Variants in UBE3C observed in about 807,000 individuals in gnomAD.
The protein encoded by UBE3C is ubiquitin-protein ligase E3C.
In UBE3C, 42 loss-of-function variants were observed where a neutral mutation model predicts 129.4. The ratio of observed to expected loss-of-function variants is 0.32; its 90% CI spans 0.25 to 0.42. The LOEUF is 0.42. Among genes scored for constraint, UBE3C ranks in the 10% least tolerant of loss-of-function variants. The probability of loss-of-function intolerance (pLI) is 1.00; values close to 1 mark genes in which losing one functional copy is unlikely to be tolerated. For missense variants in UBE3C, 1,049 were observed against 1,319.1 expected (o/e 0.80, Z 3.17); for synonymous variants, 510 against 492.4 (o/e 1.04, Z -0.47).
intron 10 of UBE3C, among the ~76,000 whole-genome samples, chr7:157,196,437 G>A (rs1176796649): frequency 3.3e-5 from 5 of 152,156 alleles, no homozygotes; most frequent in Non-Finnish European, 7.4e-5. Flanking sequence ...CATTTATGCT[G>A]GTAGTTCTTT....
intron 1 of UBE3C, among the ~76,000 whole-genome samples, chr7:157,158,760 G>A (rs1032502239): frequency 1.3e-5 from 2 of 152,122 alleles, no homozygotes; most frequent in East Asian, 3.8e-4. Flanking sequence ...AAGCCCATGG[G>A]GACGTTTTTT....
rs1797125782 is a variant in UBE3C, at chr7:157,267,988, G to T, written c.*233G>T. The T allele has an allele frequency of 5.1e-6, 2 of 388,518 alleles. No homozygotes were observed. Among genetic ancestry groups the T allele is most frequent in the South Asian group, 1.0e-4 (2 of 19,766 alleles). 24.1% of individuals were successfully genotyped at this position (388,518 alleles called of 1,614,324 possible). On this transcript the variant is annotated 3_prime_UTR_variant, in exon 23 of 23. Transcript: ENST00000348165. ...CTTAAAATAACACGTTATGTGCCAT[G>T]TGGCTACTTTAGTAATATTGCCAAG...
intron 19 of UBE3C, among the ~76,000 whole-genome samples, chr7:157,249,861 C>T (rs921419922): frequency 2.0e-5 from 3 of 152,114 alleles, no homozygotes; most frequent in Non-Finnish European, 4.4e-5. Context: ...ACACTCTGTG[C>T]ATCCATAATC....
At chr7:157,149,087 G>A (rs978466841) in intron 1 of UBE3C, among the ~76,000 whole-genome samples, 5 of 148,928 alleles carry the variant, frequency 3.4e-5, no homozygotes, top group African/African-American at 1.2e-4. Flanking sequence ...ATAGAGTTTT[G>A]CTCTTGTCGC....
chr7:157,192,431 A>G (rs938091367), intron 10 of UBE3C: 4 of 727,890 alleles, frequency 5.5e-6, no homozygotes, highest in African/African-American at 1.7e-5. Flanking sequence ...ACCCTTGGAT[A>G]TGATAGAAAA....
intron 18 of UBE3C, among the ~76,000 whole-genome samples, chr7:157,239,561 AGGGCACTCT>A (rs1796244468): frequency 6.6e-6 from 1 of 152,290 alleles, no homozygotes; most frequent in South Asian, 2.1e-4. Flanking sequence ...GCTTGTGATT[AGGGCACTCT>A]GCAGCAGTAG....
At chr7:157,234,503 G>A (rs150512292) in intron 18 of UBE3C, among the ~76,000 whole-genome samples, 1,871 of 152,322 alleles carry the variant, frequency 0.012, 13 homozygotes, top group Non-Finnish European at 0.019. Flanking sequence ...TAGCAGATGG[G>A]AGTAGAACCG....
chr7:157,218,021 T>C (rs1795629932), intron 14 of UBE3C, among the ~76,000 whole-genome samples: 1 of 151,992 alleles, frequency 6.6e-6, no homozygotes, highest in Admixed American at 6.5e-5. Context: ...AGATTCTGTC[T>C]CCAGAAAAAA....
At chr7:157,207,258 C>G (rs1459523502) in intron 11 of UBE3C, 140 bp from the exon 12 acceptor site, 1 of 1,189,312 alleles carries the variant, frequency 8.4e-7, no homozygotes, top group Non-Finnish European at 1.2e-6. Flanking sequence ...GGTGACTTTA[C>G]CTTGCCTTTA....
chr7:157,263,591 G>GAGGC lies in UBE3C; in HGVS notation c.3082-3991_3082-3988dup, dbSNP rs139477695. 2.6e-5 allele frequency among the ~76,000 whole-genome samples: 4 copies of GAGGC among 151,758 alleles called. No individual in the cohort carries two copies. In the East Asian group the frequency reaches 7.7e-4, roughly 29 times the overall value. ...AGGCAAGAGAATTGCTTGAACCTGGGAGGCAGAGGTTGCAGTGAGCCGAGA... is the reference window on the plus strand; with the variant it reads ...AGGCAAGAGAATTGCTTGAACCTGGGAGGCAGGCAGAGGTTGCAGTGAGCCGAGA... On this transcript the variant is annotated intron_variant, in intron 22 of 22. Coordinates refer to ENST00000348165, the MANE Select transcript of UBE3C (RefSeq NM_014671.3).
intron 1 of UBE3C, among the ~76,000 whole-genome samples, chr7:157,156,798 C>T (rs1163496160): frequency 6.6e-6 from 1 of 151,192 alleles, no homozygotes; most frequent in Non-Finnish European, 1.5e-5. Flanking sequence ...CTCTCGGAGA[C>T]AGTTCCTGAT....
intron 5 of UBE3C, among the ~76,000 whole-genome samples, chr7:157,177,228 A>T (rs957856054): frequency 1.3e-5 from 2 of 152,190 alleles, no homozygotes; most frequent in African/African-American, 4.8e-5. Flanking sequence ...TGTGATTGGA[A>T]TTTGTATTTC....
At chr7:157,180,310 T>A (rs1420985492) in intron 6 of UBE3C, among the ~76,000 whole-genome samples, 8 of 152,244 alleles carry the variant, frequency 5.3e-5, no homozygotes, top group Non-Finnish European at 1.0e-4. Flanking sequence ...TTAGTTATGT[T>A]AGTCACTTTT....
rs1042432390 is a variant in UBE3C, at chr7:157,148,830, G to A, written c.66+9492G>A. On this transcript the variant is annotated intron_variant, in intron 1 of 22. Transcript: ENST00000348165. The stretch of plus-strand genomic sequence containing the variant: ...ACAGGCATGATCATAGTGCACAGCA[G>A]CCTCAAACTCCTGATCTCCAGCGAT... Among the ~76,000 whole-genome samples, 4 of 146,610 alleles carry A rather than the reference G, an allele frequency of 2.7e-5. No homozygotes were observed. In the East Asian group the frequency reaches 6.1e-4, roughly 22 times the overall value.
In UBE3C at chr7:157,192,876, AAG is replaced by A. The variant is rs1586677744; in HGVS notation, c.1331+5857_1331+5858del. 35 of 886,454 alleles carry A rather than the reference AAG, an allele frequency of 3.9e-5. No individual in the cohort carries two copies. In the South Asian group the frequency reaches 4.0e-4, roughly 10 times the overall value. 54.9% of individuals were successfully genotyped at this position (886,454 alleles called of 1,614,324 possible). ...AAGACATGAACTTAAAAAAAAAAAA[AAG>A]AAGGGATTATCAAAGAAGACATTTG... On this transcript the variant is annotated intron_variant, in intron 10 of 22. Transcript: ENST00000348165.
intron 17 of UBE3C, among the ~76,000 whole-genome samples, chr7:157,230,240 C>T (rs1316776369): frequency 6.6e-6 from 1 of 151,730 alleles, no homozygotes; most frequent in Admixed American, 6.6e-5. Flanking sequence ...AATTATATAA[C>T]CAGTAATTTT....
chr7:157,197,323 C>G (rs1285263835), intron 10 of UBE3C, among the ~76,000 whole-genome samples: 4 of 152,122 alleles, frequency 2.6e-5, no homozygotes, highest in African/African-American at 9.7e-5. Flanking sequence ...AACATTAACA[C>G]TAAGTATGTA....
At chr7:157,234,066 T>C (rs1413383796) in intron 18 of UBE3C, among the ~76,000 whole-genome samples, 1 of 152,258 alleles carries the variant, frequency 6.6e-6, no homozygotes, top group Non-Finnish European at 1.5e-5. Flanking sequence ...CAATGAATTA[T>C]GAAATTTATA....
At chr7:157,151,529 C>T (rs1279624338) in intron 1 of UBE3C, among the ~76,000 whole-genome samples, 1 of 152,138 alleles carries the variant, frequency 6.6e-6, no homozygotes, top group Admixed American at 6.5e-5. Flanking sequence ...TGATCATGTG[C>T]TGGCTTTTCT....
Sources: allele counts gnomAD v4.1 joint callset (sites outside exome capture counted in the v4.1 genomes callset), GRCh38; gene constraint gnomAD v4.1.1; transcripts MANE v1.5; gene names NCBI Gene and HGNC (gene_info 2026-07-23, HGNC 2026-07-21).